CADPS2: variants seen among roughly 807,000 people sequenced by gnomAD.
CADPS2 encodes the protein calcium-dependent secretion activator 2.
Under a neutral mutation model 172.5 loss-of-function variants are expected in CADPS2, and 93 were observed. The observed-to-expected ratio is 0.54, with a 90% CI of 0.46 to 0.64. CADPS2 has a LOEUF of 0.64. CADPS2 is among the 30% of genes least tolerant of loss of function. CADPS2 has a pLI of 0.00. For synonymous variants in CADPS2, 546 were observed against 555.2 expected (o/e 0.98, Z 0.23); for missense variants, 1,420 against 1,565.9 (o/e 0.91, Z 1.57).
intron 1 of CADPS2, among the ~76,000 whole-genome samples, chr7:122,781,414 G>C (rs1486898502): frequency 6.6e-6 from 1 of 151,974 alleles, no homozygotes. Context: ...TTCACAGTTT[G>C]TGTTTCTACT....
rs2078254692 is a variant in CADPS2, at chr7:122,645,358, C to CACACAT, written c.787-16031_787-16030insATGTGT. The stretch of plus-strand genomic sequence containing the variant: ...ACACACATGTACATGTGTGTGTATA[C>CACACAT]ATGTACATGTATACACACATATGTA... On this transcript the variant is annotated intron_variant, in intron 3 of 29. Transcript: ENST00000449022. 2.6e-4 allele frequency among the ~76,000 whole-genome samples: 13 copies of CACACAT among 50,332 alleles called. 1 individual carries two copies. Among genetic ancestry groups the CACACAT allele is most frequent in the Admixed American group, 6.1e-4 (3 of 4,922 alleles). The allele number at this position is 50,332 out of a possible 152,430, so 33.0% of individuals were successfully genotyped here.
chr7:122,570,084 A>C (rs1370963680), intron 7 of CADPS2, among the ~76,000 whole-genome samples: 1 of 150,394 alleles, frequency 6.6e-6, no homozygotes, highest in Non-Finnish European at 1.5e-5. Context: ...CTACCATCAG[A>C]GTGAACAGGC....
At chr7:122,772,326 T>C (rs997928208) in intron 1 of CADPS2, among the ~76,000 whole-genome samples, 2 of 152,232 alleles carry the variant, frequency 1.3e-5, no homozygotes, top group African/African-American at 4.8e-5. Flanking sequence ...ATCACTTCAA[T>C]AGTCCAAACA....
rs1355158985 is a variant in CADPS2, at chr7:122,369,245, C to T, written c.3388-8232G>A. ...CTCCCGGGTTCACGCCATTCTCCTG[C>T]CTCAGCCTCCCGGTAGCTGGGACTA... On this transcript the variant is annotated intron_variant, in intron 25 of 29. Coordinates refer to ENST00000449022, the MANE Select transcript of CADPS2 (RefSeq NM_017954.11). Among the ~76,000 whole-genome samples, 6 of 150,020 alleles carry T rather than the reference C, an allele frequency of 4.0e-5. No individual in the cohort carries two copies. In the East Asian group the frequency reaches 1.2e-3, roughly 30 times the overall value.
chr7:122,732,785 A>T (rs913088071), intron 2 of CADPS2, among the ~76,000 whole-genome samples: 1 of 143,048 alleles, frequency 7.0e-6, no homozygotes, highest in Non-Finnish European at 1.5e-5. Flanking sequence ...TTATGTATAT[A>T]ATATATATAC....
At chr7:122,527,617 A>AGAGATAGAGTGTGTGT in intron 8 of CADPS2, among the ~76,000 whole-genome samples, 2 of 83,806 alleles carry the variant, frequency 2.4e-5, no homozygotes, top group African/African-American at 8.2e-5. Context: ...AGAGAGAGAG[A>AGAGATAGAGTGTGTGT]GTGTGTGTGT....
chr7:122,551,491 T>C (rs2064288118), intron 8 of CADPS2, among the ~76,000 whole-genome samples: 1 of 152,014 alleles, frequency 6.6e-6, no homozygotes, highest in South Asian at 2.1e-4. Context: ...AGATAAGTGA[T>C]AAATGAATAA....
intron 28 of CADPS2, 23 bp downstream of exon 28, chr7:122,345,551 A>G (rs1158035657): frequency 2.2e-6 from 3 of 1,365,106 alleles, no homozygotes; most frequent in African/African-American, 2.9e-5. Flanking sequence ...GTGTCAGCAT[A>G]CCTTGCAAGG....
chr7:122,522,433 A>T (rs889232297), intron 8 of CADPS2, among the ~76,000 whole-genome samples: 8 of 152,020 alleles, frequency 5.3e-5, no homozygotes, highest in Admixed American at 1.3e-4. Context: ...TTAAAAAAAA[A>T]TTTTACTGAT....
intron 2 of CADPS2, among the ~76,000 whole-genome samples, chr7:122,686,170 A>G (rs566773363): frequency 2.0e-5 from 3 of 152,160 alleles, no homozygotes; most frequent in African/African-American, 7.2e-5. Flanking sequence ...GTTTTTTTCT[A>G]TTCTTTTATT....
At chr7:122,760,312 ATTAT>A (rs143226085) in intron 1 of CADPS2, among the ~76,000 whole-genome samples, 2,443 of 152,212 alleles carry the variant, frequency 0.016, 61 homozygotes, top group African/African-American at 0.056. Context: ...TATTTAGGTA[ATTAT>A]TTATAGATAT....
chr7:122,878,261 G>GAAAAAA (rs34489409), intron 1 of CADPS2, among the ~76,000 whole-genome samples: 15 of 113,254 alleles, frequency 1.3e-4, no homozygotes, highest in African/African-American at 4.1e-4. Context: ...TCCGTCTCAA[G>GAAAAAA]AAAAAAAAAA....
chr7:122,605,248 C>T (rs944868445), intron 6 of CADPS2, among the ~76,000 whole-genome samples: 3 of 152,052 alleles, frequency 2.0e-5, no homozygotes, highest in Admixed American at 1.3e-4. Context: ...TAGGACACTA[C>T]TGCACACTAC....
intron 3 of CADPS2, among the ~76,000 whole-genome samples, chr7:122,652,021 T>C (rs1290101855): frequency 6.6e-6 from 1 of 152,190 alleles, no homozygotes; most frequent in African/African-American, 2.4e-5. Context: ...AAGCCATGCA[T>C]TTCATGCCTG....
At chr7:122,598,517 G>T (rs4363139) in intron 6 of CADPS2, among the ~76,000 whole-genome samples, 3 of 151,934 alleles carry the variant, frequency 2.0e-5, no homozygotes, top group African/African-American at 4.8e-5. Flanking sequence ...AAAGTGATTC[G>T]TACAATGTCA....
At chr7:122,733,371 A>G (rs2091866314) in intron 2 of CADPS2, among the ~76,000 whole-genome samples, 1 of 151,990 alleles carries the variant, frequency 6.6e-6, no homozygotes, top group African/African-American at 2.4e-5. Flanking sequence ...TTCATTGAAT[A>G]TATTTGTGTG....
intron 1 of CADPS2, among the ~76,000 whole-genome samples, chr7:122,852,668 A>G (rs1000955798): frequency 1.3e-5 from 2 of 152,212 alleles, no homozygotes; most frequent in African/African-American, 4.8e-5. Context: ...TTCCACGAAC[A>G]GCAAAGAGGC....
intron 1 of CADPS2, among the ~76,000 whole-genome samples, chr7:122,756,236 T>A (rs1015264227): frequency 6.7e-6 from 1 of 149,294 alleles, no homozygotes; most frequent in Non-Finnish European, 1.5e-5. Flanking sequence ...ATATATATAT[T>A]GGTATGTACC....
At chr7:122,669,856 A>G (rs987721645) in intron 2 of CADPS2, among the ~76,000 whole-genome samples, 1 of 151,832 alleles carries the variant, frequency 6.6e-6, no homozygotes, top group Non-Finnish European at 1.5e-5. Context: ...AGAATTCATG[A>G]CTTTTCCAAT....
Sources: allele counts gnomAD v4.1 joint callset (sites outside exome capture counted in the v4.1 genomes callset), GRCh38; gene constraint gnomAD v4.1.1; transcripts MANE v1.5; gene names NCBI Gene and HGNC (gene_info 2026-07-23, HGNC 2026-07-21).